The following RIMBP2 variants were observed in gnomAD, a reference collection of about 807,000 sequenced individuals.
RIMBP2 encodes the protein RIMS-binding protein 2.
Under a neutral mutation model 118.6 loss-of-function variants are expected in RIMBP2, and 48 were observed. That is an observed-to-expected ratio of 0.40 (90% confidence interval 0.32 to 0.51). The LOEUF is 0.51. RIMBP2 is among the 20% of genes least tolerant of loss of function. The pLI is 0.41. For synonymous variants in RIMBP2, 762 were observed against 742.9 expected (o/e 1.03, Z -0.42); for missense variants, 1,551 against 1,768.3 (o/e 0.88, Z 2.20).
At position 130,475,510 on chromosome 12, in the gene RIMBP2, G is replaced by C. The variant is rs975507404; in HGVS notation, c.102+3402C>G. 1.3e-5 allele frequency among the ~76,000 whole-genome samples: 2 copies of C among 151,434 alleles called. No individual in the cohort carries two copies. Among genetic ancestry groups the C allele is most frequent in the African/African-American group, 4.9e-5 (2 of 40,702 alleles). Reference sequence around the variant, plus strand: ...AAGAAAAACAACATTATAGGATGGAGGAAGCTGAGGATGAAAGCACAAAGA... The same window carrying C: ...AAGAAAAACAACATTATAGGATGGACGAAGCTGAGGATGAAAGCACAAAGA... On this transcript the variant is annotated intron_variant, in intron 5 of 22. Transcript: ENST00000690449. The surrounding 1 kb of genome is among the most constrained non-coding windows in gnomAD (Gnocchi z 4.1).
At chr12:130,443,390 C>T (rs569703227) in intron 10 of RIMBP2, among the ~76,000 whole-genome samples, 35 of 152,252 alleles carry the variant, frequency 2.3e-4, no homozygotes, top group South Asian at 8.3e-4. Context: ...GGCCAGAAAA[C>T]GGAGAAGTGT....
intron 1 of RIMBP2, among the ~76,000 whole-genome samples, chr12:130,714,715 G>A (rs1015634982): frequency 6.6e-6 from 1 of 152,200 alleles, no homozygotes; most frequent in Non-Finnish European, 1.5e-5. Flanking sequence ...TGCAGAAGGG[G>A]TGCCCGCCGG....
chr12:130,639,609 C>A lies in RIMBP2; in HGVS notation c.-351-11153G>T, dbSNP rs533299257. ...GTACACAGCAAGTGTCTACACCATT[C>A]CGGGTCAGTGGATTTCCTCCTGGTC... On this transcript the variant is annotated intron_variant, in intron 1 of 22. Coordinates refer to ENST00000690449, the MANE Select transcript of RIMBP2 (RefSeq NM_001393629.1). Among the ~76,000 whole-genome samples, 14 of 151,588 alleles carry A rather than the reference C, an allele frequency of 9.2e-5. 1 individual carries two copies. The highest frequency in any genetic ancestry group is 1.8e-4 in the Non-Finnish European group (12 of 67,950).
chr12:130,486,024 A>G (rs899665651), intron 4 of RIMBP2, among the ~76,000 whole-genome samples: 3 of 152,110 alleles, frequency 2.0e-5, no homozygotes, highest in Non-Finnish European at 2.9e-5. Context: ...TTTTGGCTTC[A>G]GCATCTATCT....
rs141012760 is a variant in RIMBP2 at position 130,693,811 on chromosome 12, G to A, written c.-352+22411C>T. Among the ~76,000 whole-genome samples the A allele has an allele frequency of 5.0e-4, 76 of 152,326 alleles. 1 individual carries two copies. In the East Asian group the frequency reaches 0.014, roughly 29 times the overall value. The stretch of plus-strand genomic sequence containing the variant: ...CCCTTTAATTGCGGATGATTCAGCT[G>A]TCACTTACTTTCTCTTGCCCCTCGT... On this transcript the variant is annotated intron_variant, in intron 1 of 22. Transcript: ENST00000690449.
intron 5 of RIMBP2, among the ~76,000 whole-genome samples, chr12:130,476,785 T>C (rs2081467093): frequency 6.6e-6 from 1 of 152,216 alleles, no homozygotes; most frequent in African/African-American, 2.4e-5. Context: ...TTGTTCGTCT[T>C]CCTTTTTTAG....
intron 4 of RIMBP2, among the ~76,000 whole-genome samples, chr12:130,491,688 A>C (rs768701739): frequency 6.6e-6 from 1 of 152,150 alleles, no homozygotes. Context: ...TTTCGCCCAG[A>C]GACAGAATCC....
At chr12:130,656,904 G>A (rs2063455156) in intron 1 of RIMBP2, among the ~76,000 whole-genome samples, 1 of 151,886 alleles carries the variant, frequency 6.6e-6, no homozygotes, top group Non-Finnish European at 1.5e-5. Context: ...ATGATACCCT[G>A]TCAAAAAAAA....
At chr12:130,587,260 A>G (rs2058953105) in intron 2 of RIMBP2, among the ~76,000 whole-genome samples, 1 of 127,782 alleles carries the variant, frequency 7.8e-6, no homozygotes, top group African/African-American at 3.0e-5. Context: ...CCATTGTGGA[A>G]GTCAGTGTGG....
rs368504082 is a variant in RIMBP2 at position 130,434,937 on chromosome 12, G to A, written c.2107-57C>T. On this transcript the variant is annotated intron_variant, in intron 13 of 22. Coordinates refer to ENST00000690449, the MANE Select transcript of RIMBP2 (RefSeq NM_001393629.1). The surrounding 1 kb of genome is among the most constrained non-coding windows in gnomAD (Gnocchi z 5.7). ...GCAGGGCCACCTTCAGCTACGCTCAGCCCCACCTGCATTCACCAAACCTTC... is the reference window on the plus strand; with the variant it reads ...GCAGGGCCACCTTCAGCTACGCTCAACCCCACCTGCATTCACCAAACCTTC... 47 of 1,532,490 alleles carry A rather than the reference G, an allele frequency of 3.1e-5. No individual in the cohort carries two copies. The highest frequency in any genetic ancestry group is 2.5e-4 in the South Asian group (20 of 80,968). 94.9% of individuals were successfully genotyped at this position (1,532,490 alleles called of 1,614,324 possible).
At chr12:130,604,291 TAAA>T (rs71088765) in intron 2 of RIMBP2, among the ~76,000 whole-genome samples, 10,948 of 136,094 alleles carry the variant, frequency 0.08, 428 homozygotes, top group Non-Finnish European at 0.084. Flanking sequence ...TTTTAAAAAG[TAAA>T]AAAAAAAAAA....
At position 130,534,470 on chromosome 12, in the gene RIMBP2, T is replaced by A. The variant is rs547318188; in HGVS notation, c.-216-16553A>T. ...CTAGTAAAACAAGAAAAAAAAAAAT[T>A]CTGGTTATGCTAGAAGCTCAGGCTT... On this transcript the variant is annotated intron_variant, in intron 2 of 22. Coordinates refer to ENST00000690449, the MANE Select transcript of RIMBP2 (RefSeq NM_001393629.1). 1.6e-3 allele frequency among the ~76,000 whole-genome samples: 241 copies of A among 152,044 alleles called. 2 individuals are homozygous for A. The highest frequency in any genetic ancestry group is 5.5e-3 in the African/African-American group (229 of 41,474).
chr12:130,562,062 G>C (rs993466704), intron 2 of RIMBP2, among the ~76,000 whole-genome samples: 2 of 152,088 alleles, frequency 1.3e-5, no homozygotes, highest in Admixed American at 6.5e-5. Flanking sequence ...CATAAAATCA[G>C]ACACACAAGG....
chr12:130,495,918 A>G (rs1192060313), intron 4 of RIMBP2, among the ~76,000 whole-genome samples: 1 of 152,210 alleles, frequency 6.6e-6, no homozygotes, highest in African/African-American at 2.4e-5. Context: ...TCAAATTTGA[A>G]CTCAGACTGG....
intron 1 of RIMBP2, among the ~76,000 whole-genome samples, chr12:130,655,889 C>T (rs185689956): frequency 2.3e-3 from 358 of 152,360 alleles, no homozygotes; most frequent in African/African-American, 8.3e-3. Context: ...AGGCACCACG[C>T]AGCCCATGGC....
At chr12:130,629,644 A>G (rs2061860350) in intron 1 of RIMBP2, among the ~76,000 whole-genome samples, 1 of 152,206 alleles carries the variant, frequency 6.6e-6, no homozygotes, top group Non-Finnish European at 1.5e-5. Flanking sequence ...CCCAGATCCA[A>G]TGCATTAAGC....
intron 1 of RIMBP2, among the ~76,000 whole-genome samples, chr12:130,653,060 C>G (rs1331035642): frequency 6.6e-6 from 1 of 152,166 alleles, no homozygotes; most frequent in Non-Finnish European, 1.5e-5. Context: ...CCCCTGGTCC[C>G]CCAAATCTCA....
chr12:130,454,542 C>A (rs562807685), intron 7 of RIMBP2, among the ~76,000 whole-genome samples: 5 of 152,286 alleles, frequency 3.3e-5, no homozygotes, highest in African/African-American at 1.2e-4. Flanking sequence ...CCATGCCAGG[C>A]GACCCCTGGT....
intron 2 of RIMBP2, among the ~76,000 whole-genome samples, chr12:130,605,517 T>C (rs1486754243): frequency 1.3e-5 from 2 of 152,262 alleles, no homozygotes; most frequent in Non-Finnish European, 2.9e-5. Flanking sequence ...GGGGAATTAC[T>C]GTTCATTTTT....
Sources: gnomAD v4.1 joint callset for allele counts (sites outside exome capture counted in the v4.1 genomes callset) on GRCh38, gnomAD v4.1.1 for gene constraint, Gnocchi (gnomAD v3.1) non-coding constraint, MANE v1.5 for transcripts, NCBI Gene and HGNC (gene_info 2026-07-23, HGNC 2026-07-21) for gene names.